Variants in OR56A3 observed in about 807,000 individuals in gnomAD.
OR56A3 encodes olfactory receptor family 56 subfamily A member 3.
OR56A3 carries 23 observed loss-of-function variants against 17.5 expected under a neutral mutation model. That is an observed-to-expected ratio of 1.32 (90% CI 0.95 to 1.87). The LOEUF (loss-of-function observed/expected upper bound fraction) is 1.87, where lower values mean the gene tolerates loss of function less well. Ranked by LOEUF, OR56A3 falls within the 40% of genes most tolerant of loss-of-function variation. OR56A3 has a pLI of 0.00. For synonymous variants in OR56A3, 175 were observed against 150.6 expected (o/e 1.16, Z -1.19); for missense variants, 366 against 380.1 (o/e 0.96, Z 0.31).
chr11:6,002,547 A>T, the OR56A3 span: 4 of 1,614,244 alleles, frequency 2.5e-6, no homozygotes, highest in Non-Finnish European at 3.4e-6. Context: ...TATAACAAAG[A>T]CCACGGCCCT....
the OR56A3 span, chr11:5,986,426 T>G: frequency 8.8e-5 from 142 of 1,613,816 alleles, no homozygotes; most frequent in Non-Finnish European, 1.1e-4. Context: ...AGTAATCCCC[T>G]CACCAGCACC....
the OR56A3 span, among the ~76,000 whole-genome samples, chr11:6,015,828 GA>G: frequency 5.3e-5 from 8 of 152,198 alleles, no homozygotes; most frequent in Admixed American, 5.2e-4. Context: ...TTCATAGGTG[GA>G]AGGGACTAGG....
At chr11:5,969,354 C>T in the OR56A3 span, among the ~76,000 whole-genome samples, 1 of 152,180 alleles carries the variant, frequency 6.6e-6, no homozygotes, top group African/African-American at 2.4e-5. Context: ...ACTAAATCTC[C>T]TCTTCTCTCA....
chr11:5,983,281 A>G, the OR56A3 span, among the ~76,000 whole-genome samples: 162 of 152,110 alleles, frequency 1.1e-3, no homozygotes, highest in African/African-American at 3.8e-3. Flanking sequence ...AACTTTTGCT[A>G]TATGTACTTT....
chr11:5,945,359 G>C (rs1847862591), intron 2 of OR56A3, among the ~76,000 whole-genome samples: 1 of 151,786 alleles, frequency 6.6e-6, no homozygotes, highest in African/African-American at 2.4e-5. Context: ...TGGATCTCGA[G>C]GTCAGGAGAT....
At chr11:5,960,929 CT>C in the OR56A3 span, among the ~76,000 whole-genome samples, 4,964 of 150,176 alleles carry the variant, frequency 0.033, 255 homozygotes, top group African/African-American at 0.11. Context: ...TGTCTGGGAA[CT>C]GAGGAGTGTC....
chr11:6,007,661 A>T, the OR56A3 span, among the ~76,000 whole-genome samples: 1 of 152,196 alleles, frequency 6.6e-6, no homozygotes, highest in Non-Finnish European at 1.5e-5. Context: ...AAAAAAGTGT[A>T]AGGAAACTGA....
At chr11:5,960,628 G>A in the OR56A3 span, among the ~76,000 whole-genome samples, 6 of 152,264 alleles carry the variant, frequency 3.9e-5, no homozygotes, top group South Asian at 2.1e-4. Flanking sequence ...CCTCCCAGCC[G>A]CCTGCCTTGG....
chr11:5,993,700 T>C, the OR56A3 span, among the ~76,000 whole-genome samples: 2 of 152,212 alleles, frequency 1.3e-5, no homozygotes, highest in Non-Finnish European at 2.9e-5. Flanking sequence ...TCATTTTAAA[T>C]TTTTAGTAGC....
chr11:5,984,229 C>T, the OR56A3 span, among the ~76,000 whole-genome samples: 2 of 152,264 alleles, frequency 1.3e-5, no homozygotes, highest in Non-Finnish European at 2.9e-5. Context: ...CAAACCTTTA[C>T]AAGAGGGAAT....
the OR56A3 span, among the ~76,000 whole-genome samples, chr11:5,985,683 T>A: frequency 6.6e-6 from 1 of 152,186 alleles, no homozygotes; most frequent in Non-Finnish European, 1.5e-5. Flanking sequence ...TATCCCCAAG[T>A]CCTACTGACA....
At chr11:5,959,816 CTTTAG>C in the OR56A3 span, among the ~76,000 whole-genome samples, 1 of 152,052 alleles carries the variant, frequency 6.6e-6, no homozygotes, top group Non-Finnish European at 1.5e-5. Context: ...ATATTTAAGT[CTTTAG>C]TTTATTTTGA....
the OR56A3 span, among the ~76,000 whole-genome samples, chr11:6,010,340 G>A: frequency 1.1e-4 from 16 of 152,060 alleles, no homozygotes; most frequent in Non-Finnish European, 2.1e-4. Flanking sequence ...TGAATGTTTG[G>A]GTCCTCTTCA....
At chr11:5,993,725 A>G in the OR56A3 span, among the ~76,000 whole-genome samples, 6 of 152,338 alleles carry the variant, frequency 3.9e-5, no homozygotes, top group African/African-American at 1.4e-4. Flanking sequence ...TTTAAAAAGT[A>G]AAAGAAAACA....
the OR56A3 span, among the ~76,000 whole-genome samples, chr11:6,011,839 T>C: frequency 6.6e-6 from 1 of 152,202 alleles, no homozygotes; most frequent in African/African-American, 2.4e-5. Context: ...ACATGCCAGC[T>C]GCTGCCACGG....
the OR56A3 span, among the ~76,000 whole-genome samples, chr11:6,015,929 G>T: frequency 3.3e-5 from 5 of 152,182 alleles, no homozygotes; most frequent in South Asian, 4.1e-4. Flanking sequence ...AGGCATAATT[G>T]TATTTTGCCA....
the OR56A3 span, chr11:5,986,429 C>T: frequency 6.2e-7 from 1 of 1,613,958 alleles, no homozygotes; most frequent in East Asian, 2.2e-5. Flanking sequence ...AATCCCCTCA[C>T]CAGCACCACC....
chr11:5,956,236 T>C (rs530872179), downstream of OR56A3, among the ~76,000 whole-genome samples: 15 of 152,386 alleles, frequency 9.8e-5, no homozygotes, highest in African/African-American at 3.6e-4. Flanking sequence ...CAGAAGATTA[T>C]GATGTTAGTT....
intron 1 of OR56A3, among the ~76,000 whole-genome samples, chr11:5,943,761 T>C (rs1386178013): frequency 6.6e-6 from 1 of 152,134 alleles, no homozygotes; most frequent in African/African-American, 2.4e-5. Flanking sequence ...TACCTGAGAA[T>C]ACAACTAACC....
Sources: gnomAD v4.1 joint callset for allele counts (sites outside exome capture counted in the v4.1 genomes callset) on GRCh38, gnomAD v4.1.1 for gene constraint, MANE v1.5 for transcripts, NCBI Gene and HGNC (gene_info 2026-07-23, HGNC 2026-07-21) for gene names.